Variants in SORCS2 observed in about 807,000 individuals in gnomAD.
SORCS2 encodes VPS10 domain-containing receptor SorCS2.
A neutral mutation model predicts 141.6 loss-of-function variants in SORCS2; 100 were observed. That is an observed-to-expected ratio of 0.71 (90% CI 0.60 to 0.83). The LOEUF (loss-of-function observed/expected upper bound fraction) is 0.83. SORCS2 is among the 40% of genes least tolerant of loss of function. The pLI is 0.00. For missense variants in SORCS2, 1,646 were observed against 1,560.2 expected (o/e 1.05, Z -0.93); for synonymous variants, 789 against 676.9 (o/e 1.17, Z -2.57).
At chr4:7,277,270 G>T (rs756445553) in intron 1 of SORCS2, among the ~76,000 whole-genome samples, 2 of 152,156 alleles carry the variant, frequency 1.3e-5, no homozygotes, top group Non-Finnish European at 1.5e-5. Context: ...CATTTCTTTC[G>T]GAAGGAGCTT....
intron 2 of SORCS2, among the ~76,000 whole-genome samples, chr4:7,486,265 A>C (rs904099447): frequency 5.6e-5 from 2 of 35,860 alleles, no homozygotes; most frequent in Admixed American, 5.0e-4. Context: ...TCACAGCCCA[A>C]CCTGAGGGCT....
intron 3 of SORCS2, among the ~76,000 whole-genome samples, chr4:7,614,895 C>T (rs1015191422): frequency 6.6e-6 from 1 of 151,990 alleles, no homozygotes; most frequent in African/African-American, 2.4e-5. Context: ...TGCCATCCAC[C>T]CATCAATCCA....
At chr4:7,244,975 G>A (rs1712981423) in intron 1 of SORCS2, among the ~76,000 whole-genome samples, 2 of 152,180 alleles carry the variant, frequency 1.3e-5, no homozygotes, top group South Asian at 2.1e-4. Flanking sequence ...GGGGTGGCTG[G>A]AGGGGGGTGG....
chr4:7,670,248 G>A (rs1456732753), intron 8 of SORCS2, among the ~76,000 whole-genome samples: 1 of 152,132 alleles, frequency 6.6e-6, no homozygotes, highest in African/African-American at 2.4e-5. Flanking sequence ...TTACCTGTCT[G>A]TGAAAACTAT....
At chr4:7,240,752 C>A (rs985490970) in intron 1 of SORCS2, among the ~76,000 whole-genome samples, 2 of 152,122 alleles carry the variant, frequency 1.3e-5, no homozygotes, top group African/African-American at 4.8e-5. Context: ...TGAGAGTGAC[C>A]ATGACAGTGA....
At chr4:7,552,174 G>A (rs1390844101) in intron 3 of SORCS2, among the ~76,000 whole-genome samples, 2 of 152,238 alleles carry the variant, frequency 1.3e-5, no homozygotes, top group East Asian at 1.9e-4. Context: ...TCCCTGACAG[G>A]GAAACAGAAA....
intron 1 of SORCS2, among the ~76,000 whole-genome samples, chr4:7,301,943 T>C (rs1386788772): frequency 6.6e-6 from 1 of 152,232 alleles, no homozygotes; most frequent in Admixed American, 6.5e-5. Context: ...CAGCTCTTGC[T>C]GCACTCCTAC....
chr4:7,573,826 C>T (rs7683522), intron 3 of SORCS2, among the ~76,000 whole-genome samples: 19 of 151,866 alleles, frequency 1.3e-4, no homozygotes, highest in African/African-American at 4.3e-4. Flanking sequence ...GGCTTCAGTC[C>T]TTAACTTCAG....
chr4:7,306,911 C>T (rs959951301), intron 1 of SORCS2, among the ~76,000 whole-genome samples: 3 of 152,190 alleles, frequency 2.0e-5, no homozygotes, highest in Non-Finnish European at 4.4e-5. Flanking sequence ...GACTGGGTGA[C>T]ATTTCCATGC....
chr4:7,732,584 T>G (rs748427352), intron 23 of SORCS2, among the ~76,000 whole-genome samples: 1 of 151,994 alleles, frequency 6.6e-6, no homozygotes, highest in Admixed American at 6.6e-5. Context: ...GGGATATCCC[T>G]CCCTCAGGTA....
At position 7,727,050 on chromosome 4, in the gene SORCS2, C is replaced by T. The variant is rs1727271798; in HGVS notation, c.2869+147C>T. 4 of 1,107,636 alleles carry T rather than the reference C, an allele frequency of 3.6e-6. No homozygotes were observed. In the Admixed American group the frequency reaches 1.2e-4, roughly 33 times the overall value. 68.6% of individuals were successfully genotyped at this position (1,107,636 alleles called of 1,614,324 possible). A position where few individuals can be genotyped will look rare whatever the true frequency, so the allele number is the denominator to read the frequency against. On this transcript the variant is annotated intron_variant, in intron 21 of 26. Coordinates refer to ENST00000507866, the MANE Select transcript of SORCS2 (RefSeq NM_020777.3). The stretch of plus-strand genomic sequence containing the variant: ...GGAGGGAGGGGCTGGATAAACAGAG[C>T]CCTGCCCTGGCTGTGTGGCCTGGGC...
chr4:7,217,011 A>T (rs7678140), intron 1 of SORCS2, among the ~76,000 whole-genome samples: 1 of 151,648 alleles, frequency 6.6e-6, no homozygotes, highest in East Asian at 1.9e-4. Flanking sequence ...TGGCTCTTCC[A>T]ATCCTCCGAC....
intron 2 of SORCS2, among the ~76,000 whole-genome samples, chr4:7,435,413 C>T (rs140402034): frequency 5.9e-5 from 9 of 152,356 alleles, no homozygotes; most frequent in African/African-American, 7.2e-5. Context: ...TGTTTTCTAA[C>T]GTGGCCTCAG....
At chr4:7,727,725 C>A (rs1727323531) in intron 21 of SORCS2, among the ~76,000 whole-genome samples, 1 of 152,180 alleles carries the variant, frequency 6.6e-6, no homozygotes, top group African/African-American at 2.4e-5. Context: ...AGCCCGTCAG[C>A]CCTGCACAGC....
intron 5 of SORCS2, among the ~76,000 whole-genome samples, chr4:7,655,170 T>C (rs1443880145): frequency 1.3e-5 from 2 of 151,138 alleles, no homozygotes; most frequent in Non-Finnish European, 2.9e-5. Flanking sequence ...CTTGATGTGC[T>C]GATTCCATGG....
chr4:7,426,645 G>A (rs954423680), intron 2 of SORCS2, among the ~76,000 whole-genome samples: 8 of 152,078 alleles, frequency 5.3e-5, no homozygotes, highest in African/African-American at 1.9e-4. Flanking sequence ...TGTGTGCCGG[G>A]CCCTGGGGTG....
chr4:7,736,128 G>A (rs1712148137), intron 25 of SORCS2, among the ~76,000 whole-genome samples: 1 of 152,248 alleles, frequency 6.6e-6, no homozygotes, highest in Admixed American at 6.5e-5. Flanking sequence ...GGTGCGGCCT[G>A]TGCCCTCGGG....
intron 2 of SORCS2, among the ~76,000 whole-genome samples, chr4:7,448,765 C>T (rs1197898722): frequency 9.7e-6 from 1 of 103,214 alleles, no homozygotes; most frequent in African/African-American, 3.9e-5. Context: ...CCCTCTTTTC[C>T]TTTCTCTCCC....
At chr4:7,632,519 G>A (rs894716752) in intron 3 of SORCS2, among the ~76,000 whole-genome samples, 1 of 152,064 alleles carries the variant, frequency 6.6e-6, no homozygotes, top group Non-Finnish European at 1.5e-5. Context: ...CTCCCAACTC[G>A]GCACCAAAAA....
Sources: gnomAD v4.1 joint callset for allele counts (sites outside exome capture counted in the v4.1 genomes callset) on GRCh38, gnomAD v4.1.1 for gene constraint, MANE v1.5 for transcripts, NCBI Gene and HGNC (gene_info 2026-07-23, HGNC 2026-07-21) for gene names.